Variants in DMXL2 observed in about 807,000 individuals in gnomAD.
DMXL2 encodes Dmx like 2.
In DMXL2, 103 loss-of-function variants were observed where a neutral mutation model predicts 331.1. That is an observed-to-expected ratio of 0.31 (90% confidence interval 0.27 to 0.37). The LOEUF (loss-of-function observed/expected upper bound fraction) is 0.37, where lower values mean the gene tolerates loss of function less well. Ranked by LOEUF, DMXL2 falls within the 10% of genes least tolerant of loss-of-function variation. The pLI is 1.00. For synonymous variants in DMXL2, 1,281 were observed against 1,252.1 expected (o/e 1.02, Z -0.49); for missense variants, 3,171 against 3,642.9 (o/e 0.87, Z 3.33).
At position 51,538,444 on chromosome 15, in the gene DMXL2, T is replaced by G. The variant is rs143811213; in HGVS notation, c.1114A>C (p.Asn372His). The change falls in exon 10 of 44, where the codon AAT becomes CAT. Residue 372 changes from asparagine to histidine, a missense_variant. Physicochemically the swap from Asn to His is moderately conservative, Grantham distance 68. Around this residue, in one of 7 missense-constraint regions of DMXL2, gnomAD observed 1,674 missense variants for 1,780.2 expected, o/e 0.94. Transcript: ENST00000560891. ...ASINPATDIPNVLVGTAFNVD... is the reference protein window; with the variant it reads ...ASINPATDIPHVLVGTAFNVD... ...TTAAATGCAGTGCCAACCAAGACAT[T>G]TGGAATATCTGTGGAAATAAAAGAG... 3.0e-4 allele frequency: 475 copies of G among 1,592,084 alleles called. 1 individual carries two copies. Among genetic ancestry groups the G allele is most frequent in the Non-Finnish European group, 3.9e-4 (459 of 1,169,798 alleles).
rs763164720 is a variant in DMXL2 at position 51,458,480 on chromosome 15, T to G, written c.8198+26A>C. The G allele has an allele frequency of 4.4e-6, 7 of 1,606,650 alleles. No individual in the cohort carries two copies. The African/African-American group carries it at 6.7e-5, about 15-fold the overall frequency. ...GGTGGGTACTTCTTACAGAAAACTA[T>G]ATGTAAAAGTGACTATGAGACAAAC... On this transcript the variant is annotated intron_variant, in intron 36 of 43. Coordinates refer to ENST00000560891, the MANE Select transcript of DMXL2 (RefSeq NM_001378457.1).
intron 13 of DMXL2, among the ~76,000 whole-genome samples, chr15:51,524,061 T>G (rs1004963828): frequency 1.3e-5 from 2 of 152,110 alleles, no homozygotes. Context: ...GTGGAACATG[T>G]ACTAAAATAG....
Position 51,498,964 on chromosome 15 carries a change from A to G in DMXL2, c.4260T>C (p.Tyr1420=), listed in dbSNP as rs138482451. The change falls in exon 18 of 44, where the codon TAT becomes TAC. Residue 1420 remains tyrosine (Y), a synonymous_variant. Transcript: ENST00000560891. ...GTGGAGGGATAGAATCTATCTCAGT[A>G]TAATCTCGAGTACCATCTTTTCCTA... ...VTVGKDGTRD[Y]TEIDSIPPLP... is the part of the protein sequence containing the mutation. The G allele has an allele frequency of 1.2e-5, 20 of 1,614,086 alleles. No homozygotes were observed. In the African/African-American group the frequency reaches 2.4e-4, roughly 19 times the overall value.
chr15:51,482,489 G>GA (rs535594292), intron 23 of DMXL2, among the ~76,000 whole-genome samples: 5 of 151,712 alleles, frequency 3.3e-5, no homozygotes, highest in East Asian at 3.9e-4. Flanking sequence ...AAATTCTAAG[G>GA]AAAAAAAATT....
chr15:51,515,706 A>T (rs1203569640), intron 14 of DMXL2, among the ~76,000 whole-genome samples: 1 of 152,204 alleles, frequency 6.6e-6, no homozygotes, highest in Non-Finnish European at 1.5e-5. Context: ...AGGCACAAGG[A>T]GCAGGGGAAA....
intron 1 of DMXL2, among the ~76,000 whole-genome samples, chr15:51,578,925 T>G (rs546281351): frequency 1.3e-5 from 2 of 152,252 alleles, no homozygotes; most frequent in East Asian, 3.9e-4. Context: ...GGAAACACAG[T>G]GAGACTTCAT....
chr15:51,537,140 A>C (rs1448103382), intron 11 of DMXL2, among the ~76,000 whole-genome samples: 1 of 152,218 alleles, frequency 6.6e-6, no homozygotes, highest in Admixed American at 6.5e-5. Context: ...TGACAAAGGC[A>C]GCTTCGTTTA....
intron 26 of DMXL2, among the ~76,000 whole-genome samples, 162 bp from the exon 27 acceptor site, chr15:51,476,881 T>C (rs2041626338): frequency 6.6e-6 from 1 of 152,152 alleles, no homozygotes; most frequent in Non-Finnish European, 1.5e-5. Context: ...TGAAATTAGT[T>C]ACAAATGCTT....
At chr15:51,608,353 A>G (rs1194541667) in intron 1 of DMXL2, among the ~76,000 whole-genome samples, 1 of 152,210 alleles carries the variant, frequency 6.6e-6, no homozygotes, top group Non-Finnish European at 1.5e-5. Context: ...ATCAACCTAG[A>G]TGCCCATCAA....
chr15:51,453,599 T>A lies in DMXL2; in HGVS notation c.8647A>T (p.Ile2883Phe). Residue 2883 changes from isoleucine to phenylalanine, a missense_variant, in exon 41 of 44, where the codon ATT (isoleucine) becomes TTT (phenylalanine). Ile to Phe is a conservative substitution (Grantham distance 21, BLOSUM62 0). Around this residue, in one of 7 missense-constraint regions of DMXL2, gnomAD observed 766 missense variants for 940.5 expected, o/e 0.81. Coordinates refer to ENST00000560891, the MANE Select transcript of DMXL2 (RefSeq NM_001378457.1). ...GTGGCAACTAGACTTGAAGAGGTAATAAATGCAAAGTCACTTGTGGCTTTA... is the reference window on the plus strand; with the variant it reads ...GTGGCAACTAGACTTGAAGAGGTAAAAAATGCAAAGTCACTTGTGGCTTTA... ...HSKATSDFAF[I>F]TSSSLVATSG... The A allele has an allele frequency of 6.2e-7, 1 of 1,613,856 alleles. No homozygotes were observed. The highest frequency in any genetic ancestry group is 8.5e-7 in the Non-Finnish European group (1 of 1,179,886).
At position 51,463,269 on chromosome 15, in the gene DMXL2, T is replaced by C. The variant is rs190272304; in HGVS notation, c.7926+110A>G. On this transcript the variant is annotated intron_variant, in intron 33 of 43. Transcript: ENST00000560891. ...TCACGGTAGTTTAGTGAACTTTGAC[T>C]ATTACCCAACCAGAAAGAAAATTTC... The C allele has an allele frequency of 3.9e-3, 2,624 of 665,112 alleles. 4 individuals carry two copies. Among genetic ancestry groups the C allele is most frequent in the Non-Finnish European group, 4.8e-3 (1,890 of 392,530 alleles). 41.2% of individuals were successfully genotyped at this position (665,112 alleles called of 1,614,324 possible).
At chr15:51,535,437 C>A (rs2048234629) in intron 13 of DMXL2, among the ~76,000 whole-genome samples, 2 of 152,026 alleles carry the variant, frequency 1.3e-5, no homozygotes, top group African/African-American at 4.8e-5. Flanking sequence ...CTTTTTATTT[C>A]TTTTCATGTA....
rs183957772 is a variant in DMXL2, at chr15:51,491,526, G to C, written c.4953+52C>G. Reference sequence around the variant, plus strand: ...TTCTGGGAGATAGTATCTTTTTTTCGTTAGGAAAAGGTTTTTTTAATATAA... The same window carrying C: ...TTCTGGGAGATAGTATCTTTTTTTCCTTAGGAAAAGGTTTTTTTAATATAA... On this transcript the variant is annotated intron_variant, in intron 20 of 43. Transcript: ENST00000560891. The C allele has an allele frequency of 5.2e-3, 7,811 of 1,516,642 alleles. 45 individuals carry two copies. The highest frequency in any genetic ancestry group is 0.012 in the Middle Eastern group (72 of 5,774). The allele number at this position is 1,516,642 out of a possible 1,614,324, so 93.9% of individuals were successfully genotyped here. A position where few individuals can be genotyped will look rare whatever the true frequency, so the allele number is the denominator to read the frequency against.
chr15:51,618,698 A>G (rs1185023879), intron 1 of DMXL2, among the ~76,000 whole-genome samples: 1 of 152,206 alleles, frequency 6.6e-6, no homozygotes, highest in African/African-American at 2.4e-5. Context: ...AACTTTTGCA[A>G]AGAAAACAGT....
intron 41 of DMXL2, among the ~76,000 whole-genome samples, chr15:51,452,051 T>C (rs998112819): frequency 6.6e-6 from 1 of 152,208 alleles, no homozygotes; most frequent in African/African-American, 2.4e-5. Flanking sequence ...ATGAAAACCA[T>C]GTGAGGTCAA....
chr15:51,551,019 G>A (rs1384333781), intron 6 of DMXL2, among the ~76,000 whole-genome samples: 1 of 151,972 alleles, frequency 6.6e-6, no homozygotes, highest in Non-Finnish European at 1.5e-5. Flanking sequence ...AGCAGAGGCG[G>A]TGGAAAATGC....
chr15:51,494,161 AT>A (rs1239096792), intron 19 of DMXL2, among the ~76,000 whole-genome samples: 8 of 152,206 alleles, frequency 5.3e-5, no homozygotes, highest in Non-Finnish European at 7.3e-5. Flanking sequence ...AATAGAAAAA[AT>A]ACCTCAGCAA....
At chr15:51,488,784 C>G in intron 20 of DMXL2, 139 bp from the exon 21 acceptor site, 1 of 633,302 alleles carries the variant, frequency 1.6e-6, no homozygotes, top group East Asian at 2.9e-5. Flanking sequence ...TTCACAATCT[C>G]CAGTAGGTTA....
intron 16 of DMXL2, among the ~76,000 whole-genome samples, chr15:51,506,498 G>T (rs1275274554): frequency 1.4e-5 from 2 of 142,044 alleles, no homozygotes; most frequent in East Asian, 4.1e-4. Flanking sequence ...CTGTCGCCCA[G>T]GCTGGAGTGC....
Sources: gnomAD v4.1 joint callset for allele counts (sites outside exome capture counted in the v4.1 genomes callset) on GRCh38, gnomAD v4.1.1 for gene constraint, gnomAD v4.1.1 regional missense constraint, MANE v1.5 for transcripts, NCBI Gene and HGNC (gene_info 2026-07-23, HGNC 2026-07-21) for gene names.